CBLB: variants seen among roughly 807,000 people sequenced by gnomAD.
CBLB encodes Cbl proto-oncogene B, also known as E3 ubiquitin-protein ligase CBL-B.
In CBLB, 31 loss-of-function variants were observed where a neutral mutation model predicts 104.9. That is an observed-to-expected ratio of 0.30 (90% CI 0.22 to 0.40). CBLB has a LOEUF of 0.40. CBLB is among the 10% of genes least tolerant of loss of function. CBLB has a pLI of 1.00. For missense variants in CBLB, 1,062 were observed against 1,214.6 expected, an observed-to-expected ratio of 0.87 and a Z score of 1.87; for synonymous variants, 440 against 422.6, an observed-to-expected ratio of 1.04 and a Z score of -0.51.
intron 4 of CBLB, among the ~76,000 whole-genome samples, chr3:105,773,617 G>T (rs1034580472): frequency 6.6e-6 from 1 of 152,102 alleles, no homozygotes; most frequent in African/African-American, 2.4e-5. Context: ...TTTAACGCTA[G>T]TAATATATTT....
At chr3:105,785,191 T>C (rs1180264367) in intron 3 of CBLB, among the ~76,000 whole-genome samples, 5 of 152,298 alleles carry the variant, frequency 3.3e-5, no homozygotes, top group Admixed American at 3.3e-4. Flanking sequence ...CAAATAAAAG[T>C]TTGTTAATTT....
chr3:105,749,424 G>C (rs181619750), intron 5 of CBLB, among the ~76,000 whole-genome samples: 18 of 152,218 alleles, frequency 1.2e-4, no homozygotes, highest in African/African-American at 4.3e-4. Context: ...ATTCCTTAGA[G>C]TATTAAGGTT....
At chr3:105,797,740 CTTGAT>C (rs754511698) in intron 3 of CBLB, among the ~76,000 whole-genome samples, 2 of 152,326 alleles carry the variant, frequency 1.3e-5, no homozygotes, top group South Asian at 2.1e-4. Flanking sequence ...TAACATTAGA[CTTGAT>C]TTAAGTTTGT....
chr3:105,832,056 G>C (rs2087619320), intron 3 of CBLB, among the ~76,000 whole-genome samples: 1 of 152,040 alleles, frequency 6.6e-6, no homozygotes, highest in African/African-American at 2.4e-5. Context: ...ATTAAATAGA[G>C]CTGGCATAAT....
At chr3:105,746,901 G>T (rs2076152160) in intron 5 of CBLB, among the ~76,000 whole-genome samples, 2 of 152,226 alleles carry the variant, frequency 1.3e-5, no homozygotes, top group Non-Finnish European at 2.9e-5. Context: ...TGAACAGATA[G>T]ATCCTCTAAA....
At chr3:105,702,777 A>G (rs1559883442) in intron 11 of CBLB, among the ~76,000 whole-genome samples, 1 of 152,226 alleles carries the variant, frequency 6.6e-6, no homozygotes, top group African/African-American at 2.4e-5. Flanking sequence ...CATTAAAAGA[A>G]TATGTCAATA....
At chr3:105,811,763 G>A (rs1171852407) in intron 3 of CBLB, among the ~76,000 whole-genome samples, 2 of 151,834 alleles carry the variant, frequency 1.3e-5, no homozygotes, top group African/African-American at 4.8e-5. Flanking sequence ...GGGCTGGAGT[G>A]CAACGGCACG....
intron 2 of CBLB, among the ~76,000 whole-genome samples, chr3:105,859,517 T>C (rs2091915291): frequency 6.6e-6 from 1 of 151,858 alleles, no homozygotes; most frequent in Admixed American, 6.6e-5. Flanking sequence ...TAGCAGGGTG[T>C]GGTGGCAGGC....
chr3:105,675,878 C>T (rs1432226727), intron 17 of CBLB, among the ~76,000 whole-genome samples: 2 of 92,258 alleles, frequency 2.2e-5, no homozygotes, highest in African/African-American at 4.3e-5. Flanking sequence ...GAGTGAGACC[C>T]TGTCTCAAAA....
chr3:105,661,270 T>A (rs1326985650), intron 18 of CBLB, among the ~76,000 whole-genome samples: 1 of 152,222 alleles, frequency 6.6e-6, no homozygotes, highest in East Asian at 1.9e-4. Context: ...TAATTAAACA[T>A]CTCAAACTAT....
At chr3:105,685,205 T>TTC in intron 14 of CBLB, 115 bp downstream of exon 14, 1 of 914,698 alleles carries the variant, frequency 1.1e-6, no homozygotes, top group Non-Finnish European at 1.8e-6. Context: ...AGAGAAGGAT[T>TTC]TGAGCTGGAA....
chr3:105,692,065 G>A (rs2067774965), intron 13 of CBLB, among the ~76,000 whole-genome samples: 1 of 152,112 alleles, frequency 6.6e-6, no homozygotes, highest in Non-Finnish European at 1.5e-5. Flanking sequence ...CTGGGGGGCT[G>A]GGATCTACCT....
chr3:105,840,480 T>C (rs1305617211), intron 3 of CBLB, among the ~76,000 whole-genome samples: 2 of 151,990 alleles, frequency 1.3e-5, no homozygotes, highest in Non-Finnish European at 2.9e-5. Context: ...TTCACAACCA[T>C]AAAATGTGCT....
chr3:105,674,855 C>T (rs556921106), intron 17 of CBLB, among the ~76,000 whole-genome samples: 53 of 152,288 alleles, frequency 3.5e-4, no homozygotes, highest in Admixed American at 1.3e-3. Context: ...AGAAATCTTA[C>T]ATGAAGGCCT....
intron 4 of CBLB, among the ~76,000 whole-genome samples, chr3:105,758,342 G>T (rs779723890): frequency 1.3e-5 from 2 of 152,130 alleles, no homozygotes; most frequent in Admixed American, 6.5e-5. Flanking sequence ...GAAAATTCCT[G>T]ACACGATAAA....
At chr3:105,722,932 AAG>A (rs1471322957) in intron 9 of CBLB, among the ~76,000 whole-genome samples, 1 of 152,222 alleles carries the variant, frequency 6.6e-6, no homozygotes, top group Non-Finnish European at 1.5e-5. Context: ...TGCCTGTTAT[AAG>A]AGTAGATATC....
At chr3:105,766,563 C>T (rs2078248752) in intron 4 of CBLB, among the ~76,000 whole-genome samples, 1 of 152,202 alleles carries the variant, frequency 6.6e-6, no homozygotes, top group Admixed American at 6.5e-5. Context: ...AACATCGAGG[C>T]ACAACTCTCC....
intron 7 of CBLB, among the ~76,000 whole-genome samples, chr3:105,739,695 T>C (rs906624872): frequency 6.6e-6 from 1 of 152,042 alleles, no homozygotes; most frequent in Non-Finnish European, 1.5e-5. Context: ...TAGTCCTGAA[T>C]ATGGAGTTAT....
At position 105,782,588 on chromosome 3, in the gene CBLB, T is replaced by C. The variant is rs984406859; in HGVS notation, c.420-6046A>G. 5.2e-3 allele frequency among the ~76,000 whole-genome samples: 772 copies of C among 148,504 alleles called. 16 individuals are homozygous for C. The highest frequency in any genetic ancestry group is 0.046 in the East Asian group (233 of 5,080). On this transcript the variant is annotated intron_variant, in intron 3 of 18. Transcript: ENST00000394030. ...GTATTCTTTTCTTTTCTTTTTTTTT[T>C]TTTTTTTTTTTTTTTGATACAGAGT...
Sources: gnomAD v4.1 joint callset for allele counts (sites outside exome capture counted in the v4.1 genomes callset) on GRCh38, gnomAD v4.1.1 for gene constraint, MANE v1.5 for transcripts, NCBI Gene and HGNC (gene_info 2026-07-23, HGNC 2026-07-21) for gene names.